Variants in PACS1 observed in about 807,000 individuals in gnomAD.
The protein encoded by PACS1 is phosphofurin acidic cluster sorting protein 1.
Under a neutral mutation model 115.0 loss-of-function variants are expected in PACS1, and 24 were observed. The observed-to-expected ratio is 0.21, with a 90% CI of 0.15 to 0.29. The LOEUF (loss-of-function observed/expected upper bound fraction) is 0.29, where lower values mean the gene tolerates loss of function less well. Ranked by LOEUF, PACS1 falls within the 10% of genes least tolerant of loss-of-function variation. The pLI, the probability that PACS1 is intolerant of heterozygous loss-of-function variation, is 1.00. For missense variants in PACS1, 838 were observed against 1,251.2 expected (o/e 0.67, Z 4.98); for synonymous variants, 453 against 504.5 (o/e 0.90, Z 1.37).
chr11:66,116,994 C>A (rs1450455815), intron 1 of PACS1, among the ~76,000 whole-genome samples: 1 of 151,886 alleles, frequency 6.6e-6, no homozygotes, highest in African/African-American at 2.4e-5. Context: ...GGGACAAATG[C>A]TGGGTAGAAA....
chr11:66,074,763 C>A (rs1423896217), intron 1 of PACS1, among the ~76,000 whole-genome samples: 1 of 152,056 alleles, frequency 6.6e-6, no homozygotes, highest in African/African-American at 2.4e-5. Flanking sequence ...GTGGCCATAG[C>A]TGAGTTGGCA....
chr11:66,217,601 G>T (rs908188283), intron 7 of PACS1: 1 of 456,202 alleles, frequency 2.2e-6, no homozygotes, highest in South Asian at 1.5e-5. Context: ...TCACAATGAG[G>T]TGTCACTGGA....
chr11:66,129,098 G>A, intron 1 of PACS1, among the ~76,000 whole-genome samples: 1 of 151,988 alleles, frequency 6.6e-6, no homozygotes, highest in South Asian at 2.1e-4. Context: ...TTTATTGTAT[G>A]TAAATTATAC....
intron 22 of PACS1, 54 bp from the exon 23 acceptor site, chr11:66,242,858 G>C: frequency 4.3e-6 from 7 of 1,609,754 alleles, no homozygotes; most frequent in Non-Finnish European, 5.9e-6. Context: ...GGGGAGGAGA[G>C]GGGTGGCGGC....
intron 4 of PACS1, among the ~76,000 whole-genome samples, chr11:66,215,050 A>G (rs1371481689): frequency 6.6e-6 from 1 of 152,042 alleles, no homozygotes; most frequent in Non-Finnish European, 1.5e-5. Context: ...CTCCTGCCTC[A>G]GCCTCCTGAG....
intron 1 of PACS1, among the ~76,000 whole-genome samples, chr11:66,178,443 G>A (rs956334258): frequency 3.2e-4 from 49 of 152,176 alleles, no homozygotes; most frequent in South Asian, 4.2e-4. Context: ...ATGTGCATGC[G>A]TGTGTGATAG....
intron 1 of PACS1, among the ~76,000 whole-genome samples, chr11:66,136,778 G>A (rs899431722): frequency 2.0e-5 from 3 of 151,924 alleles, no homozygotes; most frequent in African/African-American, 7.3e-5. Flanking sequence ...CTCTATGTTC[G>A]GCTAAAACTT....
chr11:66,078,063 C>T (rs1263229009), intron 1 of PACS1, among the ~76,000 whole-genome samples: 2 of 152,104 alleles, frequency 1.3e-5, no homozygotes, highest in African/African-American at 4.8e-5. Flanking sequence ...CTAGCTTCAA[C>T]AATTTTTCTG....
chr11:66,181,252 C>G (rs1436140395), intron 1 of PACS1, among the ~76,000 whole-genome samples: 1 of 150,600 alleles, frequency 6.6e-6, no homozygotes, highest in Admixed American at 6.6e-5. Flanking sequence ...CACTCTGTCT[C>G]CCAGGCTGGA....
chr11:66,086,927 C>T (rs1177351248), intron 1 of PACS1, among the ~76,000 whole-genome samples: 1 of 151,868 alleles, frequency 6.6e-6, no homozygotes, highest in Admixed American at 6.6e-5. Context: ...CTTTTGAGCA[C>T]GTTTTCAGGG....
chr11:66,130,439 G>C (rs1478219734), intron 1 of PACS1, among the ~76,000 whole-genome samples: 2 of 151,986 alleles, frequency 1.3e-5, no homozygotes, highest in Admixed American at 6.6e-5. Flanking sequence ...GACATTGCAA[G>C]GGTCCCTGAT....
intron 1 of PACS1, among the ~76,000 whole-genome samples, chr11:66,188,535 A>C (rs1035151656): frequency 6.6e-6 from 1 of 152,158 alleles, no homozygotes; most frequent in Non-Finnish European, 1.5e-5. Context: ...CAGCCTTTAT[A>C]ATTTTGCTGT....
At chr11:66,198,794 C>T (rs1031514951) in intron 2 of PACS1, among the ~76,000 whole-genome samples, 23 of 152,110 alleles carry the variant, frequency 1.5e-4, no homozygotes, top group African/African-American at 5.6e-4. Flanking sequence ...TTTTAAAAAA[C>T]TATGTCTTCT....
At position 66,202,726 on chromosome 11, in the gene PACS1, G is replaced by GGAAA. The variant is rs1554988658; in HGVS notation, c.445-7636_445-7635insGAAA. ...CAACATGGCAAAACCTCATCTCTAG[G>GGAAA]AAAAAAAAAAAAAAAAATATATATA... On this transcript the variant is annotated intron_variant, in intron 2 of 23. Coordinates refer to ENST00000320580, the MANE Select transcript of PACS1 (RefSeq NM_018026.4). Among the ~76,000 whole-genome samples, 8 of 10,958 alleles carry GGAAA rather than the reference G, an allele frequency of 7.3e-4. 1 individual carries two copies. Among genetic ancestry groups the GGAAA allele is most frequent in the Non-Finnish European group, 1.6e-3 (8 of 5,034 alleles). 7.2% of individuals were successfully genotyped at this position (10,958 alleles called of 152,430 possible). A position where few individuals can be genotyped will look rare whatever the true frequency, so the allele number is the denominator to read the frequency against.
chr11:66,206,480 C>G (rs572083932), intron 2 of PACS1, among the ~76,000 whole-genome samples: 14 of 152,196 alleles, frequency 9.2e-5, no homozygotes, highest in African/African-American at 2.9e-4. Context: ...GCTGCGATCC[C>G]GTGACACACT....
intron 1 of PACS1, among the ~76,000 whole-genome samples, chr11:66,131,451 T>C (rs886238176): frequency 6.6e-6 from 1 of 152,224 alleles, no homozygotes; most frequent in Non-Finnish European, 1.5e-5. Flanking sequence ...GAGTTTCTTA[T>C]ATATTGTAGC....
At chr11:66,209,911 A>G (rs1855030734) in intron 2 of PACS1, among the ~76,000 whole-genome samples, 2 of 152,198 alleles carry the variant, frequency 1.3e-5, no homozygotes, top group African/African-American at 4.8e-5. Flanking sequence ...CTCAAAAAAA[A>G]TAAAATTTAA....
intron 2 of PACS1, among the ~76,000 whole-genome samples, chr11:66,209,664 C>G (rs1855025277): frequency 6.6e-6 from 1 of 152,002 alleles, no homozygotes; most frequent in African/African-American, 2.4e-5. Context: ...AATCCCAGCA[C>G]TTTGGGAGGC....
intron 1 of PACS1, among the ~76,000 whole-genome samples, chr11:66,086,557 G>A (rs577189122): frequency 6.6e-6 from 1 of 152,302 alleles, no homozygotes; most frequent in African/African-American, 2.4e-5. Context: ...AAGTTTTAGG[G>A]CCCTGTACAT....
Sources: gnomAD v4.1 joint callset for allele counts (sites outside exome capture counted in the v4.1 genomes callset) on GRCh38, gnomAD v4.1.1 for gene constraint, MANE v1.5 for transcripts, NCBI Gene and HGNC (gene_info 2026-07-23, HGNC 2026-07-21) for gene names.